Variants in FYN observed in about 807,000 individuals in gnomAD.
FYN encodes the protein FYN proto-oncogene, Src family tyrosine kinase.
Under a neutral mutation model 70.2 loss-of-function variants are expected in FYN, and 10 were observed. The observed-to-expected ratio is 0.14, with a 90% CI of 0.09 to 0.24. The LOEUF is 0.24. Ranked by LOEUF, FYN falls within the 10% of genes least tolerant of loss-of-function variation. The pLI is 1.00. For synonymous variants in FYN, 236 were observed against 248.6 expected (o/e 0.95, Z 0.48); for missense variants, 319 against 673.1 (o/e 0.47, Z 5.82).
intron 12 of FYN, among the ~76,000 whole-genome samples, chr6:111,683,751 G>A (rs1271062924): frequency 6.6e-6 from 1 of 151,852 alleles, no homozygotes; most frequent in Non-Finnish European, 1.5e-5. Flanking sequence ...CACAAACAAT[G>A]CCAATAACAG....
intron 13 of FYN, among the ~76,000 whole-genome samples, chr6:111,674,224 A>G (rs1562463537): frequency 6.6e-6 from 1 of 152,158 alleles, no homozygotes; most frequent in Non-Finnish European, 1.5e-5. Flanking sequence ...CTACTGAGAG[A>G]GGAGAGATTC....
At chr6:111,769,145 G>C (rs1183962824) in intron 3 of FYN, among the ~76,000 whole-genome samples, 1 of 152,148 alleles carries the variant, frequency 6.6e-6, no homozygotes, top group African/African-American at 2.4e-5. Context: ...AGCACTGAAG[G>C]GAATGTAAGA....
At chr6:111,799,724 G>A (rs1771923408) in intron 2 of FYN, among the ~76,000 whole-genome samples, 1 of 152,166 alleles carries the variant, frequency 6.6e-6, no homozygotes, top group Non-Finnish European at 1.5e-5. Flanking sequence ...ACTGAGGCAG[G>A]GCAGGGCACA....
intron 3 of FYN, among the ~76,000 whole-genome samples, chr6:111,780,071 G>A (rs772206526): frequency 6.6e-6 from 1 of 152,080 alleles, no homozygotes; most frequent in African/African-American, 2.4e-5. Context: ...TGAATTGAAC[G>A]TTCTTGGTCT....
At chr6:111,769,061 A>G (rs1303880348) in intron 3 of FYN, among the ~76,000 whole-genome samples, 2 of 152,210 alleles carry the variant, frequency 1.3e-5, no homozygotes, top group Non-Finnish European at 2.9e-5. Context: ...CCCACACCTG[A>G]AGTTTTTTAA....
intron 2 of FYN, among the ~76,000 whole-genome samples, chr6:111,787,622 T>C (rs1006358233): frequency 6.6e-6 from 1 of 152,220 alleles, no homozygotes; most frequent in Non-Finnish European, 1.5e-5. Flanking sequence ...TGGTATGCAG[T>C]AGGCATTTAA....
At chr6:111,813,412 C>T (rs923742440) in intron 2 of FYN, among the ~76,000 whole-genome samples, 2 of 152,206 alleles carry the variant, frequency 1.3e-5, no homozygotes, top group African/African-American at 2.4e-5. Context: ...AATCATACTG[C>T]ACTAGCCTCA....
intron 1 of FYN, among the ~76,000 whole-genome samples, chr6:111,859,902 G>A (rs922316809): frequency 3.9e-5 from 6 of 152,180 alleles, no homozygotes; most frequent in African/African-American, 1.4e-4. Context: ...TCCCATATTA[G>A]GGCTGGCCCT....
intron 1 of FYN, among the ~76,000 whole-genome samples, chr6:111,860,107 C>T (rs984931600): frequency 1.3e-5 from 2 of 152,044 alleles, no homozygotes; most frequent in African/African-American, 4.8e-5. Flanking sequence ...ATAAACCCTG[C>T]TGAGAGCCTG....
intron 3 of FYN, among the ~76,000 whole-genome samples, chr6:111,734,735 T>C (rs145017431): frequency 4.3e-4 from 66 of 152,340 alleles, no homozygotes; most frequent in East Asian, 2.7e-3. Context: ...GAAATCACCA[T>C]AGTAACAAAT....
intron 2 of FYN, among the ~76,000 whole-genome samples, chr6:111,795,248 C>T (rs6939727): frequency 0.31 from 47,410 of 152,086 alleles, 12,067 homozygotes; most frequent in African/African-American, 0.71. Flanking sequence ...GGGCAGACCA[C>T]AACTCAATAT....
chr6:111,688,134 T>A lies in FYN; in HGVS notation c.1273+6241A>T, dbSNP rs562498281. Reference sequence around the variant, plus strand: ...AATAATACCAACAACTTCTACTAATTGTCTTCTTGAATTCTTACAACCACC... The same window carrying A: ...AATAATACCAACAACTTCTACTAATAGTCTTCTTGAATTCTTACAACCACC... On this transcript the variant is annotated intron_variant, in intron 12 of 13. Coordinates refer to ENST00000354650, the MANE Select transcript of FYN (RefSeq NM_002037.5). Among the ~76,000 whole-genome samples the A allele has an allele frequency of 3.3e-5, 5 of 152,302 alleles. No individual in the cohort carries two copies. The South Asian group carries it at 1.0e-3, about 32-fold the overall frequency.
intron 2 of FYN, among the ~76,000 whole-genome samples, chr6:111,783,980 A>G (rs1030985197): frequency 2.6e-5 from 4 of 152,238 alleles, no homozygotes; most frequent in Non-Finnish European, 5.9e-5. Flanking sequence ...AGAGATACCC[A>G]TTCCTACTGC....
chr6:111,858,841 TAA>T (rs546524771), intron 1 of FYN, among the ~76,000 whole-genome samples: 48 of 129,248 alleles, frequency 3.7e-4, no homozygotes, highest in Non-Finnish European at 2.3e-4. Context: ...ACCTAGGATT[TAA>T]AAAAAAAAAA....
chr6:111,834,200 GT>G (rs1773108105), intron 2 of FYN, among the ~76,000 whole-genome samples: 1 of 152,130 alleles, frequency 6.6e-6, no homozygotes, highest in African/African-American at 2.4e-5. Flanking sequence ...TAGAATACTG[GT>G]TCCATTGAAG....
chr6:111,823,228 C>T (rs889772251), intron 2 of FYN, among the ~76,000 whole-genome samples: 1 of 152,172 alleles, frequency 6.6e-6, no homozygotes, highest in Non-Finnish European at 1.5e-5. Context: ...CACAGGGAAC[C>T]GAACGGAGGA....
chr6:111,848,167 T>G (rs531125199), intron 1 of FYN, among the ~76,000 whole-genome samples: 118 of 152,256 alleles, frequency 7.8e-4, no homozygotes, highest in Middle Eastern at 3.2e-3. Context: ...CTTTGCCTTC[T>G]ATTCTTGAAC....
At chr6:111,814,006 T>C (rs1772407744) in intron 2 of FYN, 1 of 152,184 alleles carries the variant, frequency 6.6e-6, no homozygotes. Flanking sequence ...TGAGCTGAAG[T>C]ACAAGAGTTC....
chr6:111,677,531 C>T (rs933363690), intron 12 of FYN, among the ~76,000 whole-genome samples: 1 of 152,158 alleles, frequency 6.6e-6, no homozygotes, highest in Admixed American at 6.5e-5. Flanking sequence ...TTGCAGGTTG[C>T]ACAGTGTAAA....
Sources: allele counts gnomAD v4.1 joint callset (sites outside exome capture counted in the v4.1 genomes callset), GRCh38; gene constraint gnomAD v4.1.1; transcripts MANE v1.5; gene names NCBI Gene and HGNC (gene_info 2026-07-23, HGNC 2026-07-21).